Variants in TGM3 observed in about 807,000 individuals in gnomAD.
TGM3 encodes the protein protein-glutamine gamma-glutamyltransferase E.
In TGM3, 52 loss-of-function variants were observed where a neutral mutation model predicts 73.8. The ratio of observed to expected loss-of-function variants is 0.70; its 90% CI spans 0.56 to 0.89. TGM3 has a LOEUF of 0.89. Among genes scored for constraint, TGM3 ranks in the 40% least tolerant of loss-of-function variants. The pLI is 0.00. For synonymous variants in TGM3, 372 were observed against 354.9 expected, an observed-to-expected ratio of 1.05 and a Z score of -0.54; for missense variants, 928 against 909.9, an observed-to-expected ratio of 1.02 and a Z score of -0.26.
At chr20:2,331,817 G>A (rs1348827573) in intron 9 of TGM3, among the ~76,000 whole-genome samples, 185 bp from the exon 10 acceptor site, 2 of 152,234 alleles carry the variant, frequency 1.3e-5, no homozygotes, top group Non-Finnish European at 2.9e-5. Flanking sequence ...AAAAGCGCCA[G>A]AGACCAACTG....
chr20:2,329,112 G>A (rs993364233), intron 9 of TGM3, among the ~76,000 whole-genome samples: 3 of 152,212 alleles, frequency 2.0e-5, no homozygotes, highest in Non-Finnish European at 2.9e-5. Context: ...GCTTGCTCTT[G>A]CAGGCCACAG....
At chr20:2,301,503 A>G (rs1311679869) in intron 1 of TGM3, among the ~76,000 whole-genome samples, 2 of 148,952 alleles carry the variant, frequency 1.3e-5, no homozygotes, top group Non-Finnish European at 3.0e-5. Flanking sequence ...TTGTGAAATC[A>G]GTTTAGTGGA....
chr20:2,311,818 A>C (rs777734786), intron 4 of TGM3, among the ~76,000 whole-genome samples: 1 of 151,968 alleles, frequency 6.6e-6, no homozygotes, highest in Non-Finnish European at 1.5e-5. Flanking sequence ...AGTGGAAGAG[A>C]GGCTATTTTT....
chr20:2,309,831 G>A lies in TGM3; in HGVS notation c.181+1G>A. On this transcript the variant is annotated splice_donor_variant, in intron 2 of 12. Coordinates refer to ENST00000381458, the MANE Select transcript of TGM3 (RefSeq NM_003245.4). LOFTEE classifies it high-confidence loss of function. Reference sequence around the variant, plus strand: ...AGACTGGAGTTCATTGTCTCCACAGGTACCTGCTCATTCCCCTCCTTGCCC... The same window carrying A: ...AGACTGGAGTTCATTGTCTCCACAGATACCTGCTCATTCCCCTCCTTGCCC... 1.7e-5 allele frequency: 27 copies of A among 1,614,140 alleles called. No individual in the cohort carries two copies. The highest frequency in any genetic ancestry group is 2.3e-5 in the Non-Finnish European group (27 of 1,179,984).
intron 7 of TGM3, among the ~76,000 whole-genome samples, chr20:2,322,504 C>G (rs775000174): frequency 6.6e-6 from 1 of 152,138 alleles, no homozygotes; most frequent in Non-Finnish European, 1.5e-5. Context: ...TCAAATACGT[C>G]GTAAGTGCAT....
intron 3 of TGM3, 94 bp from the exon 4 acceptor site, chr20:2,310,917 C>T: frequency 2.6e-6 from 3 of 1,136,968 alleles, no homozygotes; most frequent in Admixed American, 3.4e-5. Context: ...TGCTCCAACC[C>T]CCAGGCCGGT....
In TGM3 at chr20:2,328,016, G is replaced by T; in HGVS notation, c.1088-104G>T. The T allele has an allele frequency of 6.5e-7, 1 of 1,527,340 alleles. No homozygotes were observed. The highest frequency in any genetic ancestry group is 1.8e-4 in the Middle Eastern group (1 of 5,632). The allele number at this position is 1,527,340 out of a possible 1,614,324, so 94.6% of individuals were successfully genotyped here. ...GTCAGGGGTGAAGGAATTTGGGCGG[G>T]GCAGAGGCAGGGGGTTGCAGTGGTC... is the stretch of plus-strand genomic sequence containing the variant. On this transcript the variant is annotated intron_variant, in intron 8 of 12. Coordinates refer to ENST00000381458, the MANE Select transcript of TGM3 (RefSeq NM_003245.4). The surrounding 1 kb of genome is among the most constrained non-coding windows in gnomAD (Gnocchi z 5.2).
chr20:2,334,397 A>G lies in TGM3; in HGVS notation c.1643-719A>G, dbSNP rs920482691. On this transcript the variant is annotated intron_variant, in intron 10 of 12. Transcript: ENST00000381458. This position sits in a 1 kb window ranked among gnomAD's most constrained non-coding sequence, Gnocchi z 4.0. Reference sequence around the variant, plus strand: ...AGAGTGATTTAGAAAACAAAACAGAACAAAACGAAAAACAGCTTTCCAAAG... The same window carrying G: ...AGAGTGATTTAGAAAACAAAACAGAGCAAAACGAAAAACAGCTTTCCAAAG... Among the ~76,000 whole-genome samples the G allele has an allele frequency of 2.6e-5, 4 of 152,152 alleles. No homozygotes were observed. Among genetic ancestry groups the G allele is most frequent in the Non-Finnish European group, 4.4e-5 (3 of 68,030 alleles).
intron 7 of TGM3, among the ~76,000 whole-genome samples, chr20:2,323,880 T>C (rs1477850688): frequency 6.6e-6 from 1 of 152,268 alleles, no homozygotes; most frequent in African/African-American, 2.4e-5. Context: ...AAAAATTGCC[T>C]GCTCGTTGCT....
intron 1 of TGM3, among the ~76,000 whole-genome samples, chr20:2,303,722 C>T (rs1040223487): frequency 1.3e-5 from 2 of 151,886 alleles, no homozygotes; most frequent in African/African-American, 2.4e-5. Flanking sequence ...AAAGAAGGAA[C>T]GAGTGAACGT....
rs113905463 is a variant in TGM3 at position 2,313,003 on chromosome 20, G to A, written c.646G>A (p.Val216Ile). 51 of 1,614,038 alleles carry A rather than the reference G, an allele frequency of 3.2e-5. No homozygotes were observed. Among genetic ancestry groups the A allele is most frequent in the East Asian group, 1.3e-4 (6 of 44,898 alleles). ...GGCCAGCAGAAATGACCCCAAATAC[G>A]TTGGCCGGGTGCTGAGTGCCATGGT... The part of the protein sequence containing the change: ...DVASRNDPKY[V>I]GRVLSAMINS... Residue 216 changes from valine (V) to isoleucine (I), a missense_variant, in exon 5 of 13, where the codon GTT (valine) becomes ATT (isoleucine). By Grantham distance (29) the Val-to-Ile change is conservative. Coordinates refer to ENST00000381458, the MANE Select transcript of TGM3 (RefSeq NM_003245.4).
rs1217579145 is a variant in TGM3 at position 2,332,232 on chromosome 20, T to G, written c.1564T>G (p.Trp522Gly). 6.2e-7 allele frequency: 1 copy of G among 1,613,902 alleles called. No individual in the cohort carries two copies. The highest frequency in any genetic ancestry group is 8.5e-7 in the Non-Finnish European group (1 of 1,179,978). The part of the protein sequence containing the change: ...TKTVTVNMTA[W>G]TIIYNGTLVH... ...GACAGTGACAGTGAACATGACAGCC[T>G]GGACCATCATCTACAACGGCACGCT... is the stretch of plus-strand genomic sequence containing the variant. The change falls in exon 10 of 13, where the codon TGG becomes GGG. Residue 522 changes from tryptophan (W) to glycine (G), a missense_variant. Trp to Gly is a radical substitution (Grantham distance 184, BLOSUM62 -2). Coordinates refer to ENST00000381458, the MANE Select transcript of TGM3 (RefSeq NM_003245.4). The surrounding 1 kb of genome is among the most constrained non-coding windows in gnomAD (Gnocchi z 4.4).
chr20:2,296,200 AT>A, intron 1 of TGM3, 130 bp downstream of exon 1: 1 of 1,145,636 alleles, frequency 8.7e-7, no homozygotes, highest in Non-Finnish European at 1.3e-6. Flanking sequence ...CAGACTTCCT[AT>A]TTTAGGGTGC....
chr20:2,313,558 G>A (rs530172749), intron 5 of TGM3, among the ~76,000 whole-genome samples: 21 of 152,258 alleles, frequency 1.4e-4, no homozygotes, highest in South Asian at 1.0e-3. Flanking sequence ...CAAGGCACAC[G>A]GCATGCAAGT....
At chr20:2,323,465 C>A (rs544084323) in intron 7 of TGM3, among the ~76,000 whole-genome samples, 2 of 152,342 alleles carry the variant, frequency 1.3e-5, no homozygotes, top group Admixed American at 6.5e-5. Context: ...TATTGATGAA[C>A]TTTTGCTCCA....
Position 2,332,413 on chromosome 20 carries a change from T to C in TGM3, c.1642+103T>C. ...GGGCTCCAGGTTAGTCAGCTACGAA[T>C]GGAGCAGCCAGCGGCCCCTGTGGTT... On this transcript the variant is annotated intron_variant, in intron 10 of 12. Coordinates refer to ENST00000381458, the MANE Select transcript of TGM3 (RefSeq NM_003245.4). The surrounding 1 kb of genome is among the most constrained non-coding windows in gnomAD (Gnocchi z 4.4). The C allele has an allele frequency of 1.7e-6, 2 of 1,172,422 alleles. No homozygotes were observed. Among genetic ancestry groups the C allele is most frequent in the Non-Finnish European group, 2.3e-6 (2 of 855,392 alleles). The allele number at this position is 1,172,422 out of a possible 1,614,324, so 72.6% of individuals were successfully genotyped here.
intron 1 of TGM3, among the ~76,000 whole-genome samples, chr20:2,297,042 T>G (rs1271132549): frequency 6.6e-6 from 1 of 152,200 alleles, no homozygotes; most frequent in Non-Finnish European, 1.5e-5. Context: ...CTGTCTCCCA[T>G]TCCTTGCTGT....
chr20:2,314,592 A>T (rs2084223931), intron 5 of TGM3, among the ~76,000 whole-genome samples: 1 of 150,936 alleles, frequency 6.6e-6, no homozygotes, highest in Non-Finnish European at 1.5e-5. Flanking sequence ...ATCGTGACAC[A>T]TGCCTGTAGT....
chr20:2,312,806 A>G, intron 4 of TGM3, 92 bp from the exon 5 acceptor site: 1 of 1,541,444 alleles, frequency 6.5e-7, no homozygotes. Context: ...AGGATCTGAT[A>G]GTTCCTGTGG....
Sources: gnomAD v4.1 joint callset for allele counts (sites outside exome capture counted in the v4.1 genomes callset) on GRCh38, gnomAD v4.1.1 for gene constraint, Gnocchi (gnomAD v3.1) non-coding constraint, MANE v1.5 for transcripts, NCBI Gene and HGNC (gene_info 2026-07-23, HGNC 2026-07-21) for gene names.